Variants in CALN1 observed in about 807,000 individuals in gnomAD.
CALN1 encodes calcium-binding protein 8.
CALN1 carries 17 observed loss-of-function variants against 30.6 expected under a neutral mutation model. The observed-to-expected ratio is 0.56, with a 90% CI of 0.38 to 0.83. CALN1 has a LOEUF of 0.83. CALN1 is among the 40% of genes least tolerant of loss of function. The pLI, the probability that CALN1 is intolerant of heterozygous loss-of-function variation, is 0.00. For synonymous variants in CALN1, 156 were observed against 131.4 expected, an observed-to-expected ratio of 1.19 and a Z score of -1.28; for missense variants, 291 against 354.9, an observed-to-expected ratio of 0.82 and a Z score of 1.45.
chr7:72,213,508 T>A (rs1792558259), intron 3 of CALN1, among the ~76,000 whole-genome samples: 1 of 152,114 alleles, frequency 6.6e-6, no homozygotes, highest in Non-Finnish European at 1.5e-5. Context: ...TCTACTCAAA[T>A]TGGATTTCGG....
intron 4 of CALN1, among the ~76,000 whole-genome samples, chr7:72,048,386 T>C (rs1802616481): frequency 6.6e-6 from 1 of 152,038 alleles, no homozygotes; most frequent in African/African-American, 2.4e-5. Flanking sequence ...TGGGTATGCA[T>C]TATAAGGGCC....
chr7:72,210,317 G>A (rs1213683555), intron 3 of CALN1, among the ~76,000 whole-genome samples: 1 of 152,106 alleles, frequency 6.6e-6, no homozygotes, highest in Non-Finnish European at 1.5e-5. Context: ...GTTGGTGAAT[G>A]TGAAGAATAA....
At chr7:71,847,177 C>G (rs187277366) in intron 5 of CALN1, among the ~76,000 whole-genome samples, 90 of 151,840 alleles carry the variant, frequency 5.9e-4, no homozygotes, top group Admixed American at 4.2e-3. Context: ...GGAGAGGAAG[C>G]CTGAAGGCAG....
At chr7:72,332,034 C>T (rs1801713745) in intron 2 of CALN1, among the ~76,000 whole-genome samples, 1 of 152,208 alleles carries the variant, frequency 6.6e-6, no homozygotes, top group South Asian at 2.1e-4. Context: ...ATGAACTCAT[C>T]ATTTTTTATG....
chr7:71,950,226 T>A (rs553169025), intron 5 of CALN1, among the ~76,000 whole-genome samples: 43 of 152,112 alleles, frequency 2.8e-4, no homozygotes, highest in Non-Finnish European at 5.4e-4. Context: ...TCACAGTTGT[T>A]TTAGCCACAG....
At chr7:72,295,042 G>A (rs1481266481) in intron 2 of CALN1, among the ~76,000 whole-genome samples, 1 of 117,390 alleles carries the variant, frequency 8.5e-6, no homozygotes, top group Non-Finnish European at 2.1e-5. Flanking sequence ...AGACAATAAT[G>A]AAAGTCAATA....
At chr7:71,848,194 G>T (rs1229307047) in intron 5 of CALN1, among the ~76,000 whole-genome samples, 3 of 152,174 alleles carry the variant, frequency 2.0e-5, no homozygotes, top group Non-Finnish European at 4.4e-5. Context: ...GTAAAGAACT[G>T]TTCAGACTGT....
chr7:72,095,548 T>C (rs1340229398), intron 4 of CALN1, among the ~76,000 whole-genome samples: 1 of 152,216 alleles, frequency 6.6e-6, no homozygotes, highest in Non-Finnish European at 1.5e-5. Context: ...TTGTGAATTA[T>C]ATCGTTTGTA....
intron 3 of CALN1, among the ~76,000 whole-genome samples, chr7:72,241,744 A>G (rs1413815630): frequency 6.6e-6 from 1 of 152,146 alleles, no homozygotes; most frequent in Non-Finnish European, 1.5e-5. Flanking sequence ...ATCTGATGCA[A>G]CACACTCATG....
chr7:72,078,259 C>T (rs1230363874), intron 4 of CALN1, among the ~76,000 whole-genome samples: 1 of 152,058 alleles, frequency 6.6e-6, no homozygotes, highest in Admixed American at 6.6e-5. Flanking sequence ...GTTTACTCTG[C>T]AGCTACCCCG....
At chr7:72,186,687 G>A (rs1419686843) in intron 3 of CALN1, among the ~76,000 whole-genome samples, 2 of 152,026 alleles carry the variant, frequency 1.3e-5, no homozygotes, top group Non-Finnish European at 2.9e-5. Flanking sequence ...CTGTTTCTGT[G>A]TTACTTAGGA....
chr7:72,235,837 C>T (rs1794441660), intron 3 of CALN1, among the ~76,000 whole-genome samples: 1 of 151,952 alleles, frequency 6.6e-6, no homozygotes. Context: ...CACCCGGTAC[C>T]CCATCCTTAT....
At chr7:72,303,179 G>T (rs187225032) in intron 2 of CALN1, among the ~76,000 whole-genome samples, 1 of 152,146 alleles carries the variant, frequency 6.6e-6, no homozygotes, top group Admixed American at 6.6e-5. Flanking sequence ...TCCAAGAAAT[G>T]AGAGAAAATG....
chr7:72,248,819 A>G (rs1562793404), intron 3 of CALN1, among the ~76,000 whole-genome samples: 1 of 130,204 alleles, frequency 7.7e-6, no homozygotes, highest in East Asian at 2.0e-4. Context: ...ATTTCGATCT[A>G]GATTTTTTTT....
At chr7:72,220,881 G>A (rs1196037641) in intron 3 of CALN1, among the ~76,000 whole-genome samples, 1 of 152,106 alleles carries the variant, frequency 6.6e-6, no homozygotes, top group African/African-American at 2.4e-5. Context: ...CCCACTTTTT[G>A]ATGGGGTTGT....
At chr7:72,265,354 A>G (rs1427677572) in intron 3 of CALN1, among the ~76,000 whole-genome samples, 2 of 152,182 alleles carry the variant, frequency 1.3e-5, no homozygotes, top group Non-Finnish European at 2.9e-5. Context: ...TGCTGCTAGA[A>G]CATGTTGCTA....
chr7:72,005,801 G>A (rs868716462), intron 5 of CALN1, among the ~76,000 whole-genome samples: 1 of 152,022 alleles, frequency 6.6e-6, no homozygotes, highest in Non-Finnish European at 1.5e-5. Flanking sequence ...AGAGTTAGGG[G>A]TGGGGGTGGG....
intron 3 of CALN1, among the ~76,000 whole-genome samples, chr7:72,135,600 C>T (rs1230272613): frequency 6.6e-6 from 1 of 152,170 alleles, no homozygotes; most frequent in Admixed American, 6.5e-5. Flanking sequence ...ATGCTATAAA[C>T]AGATGTGCTG....
At chr7:72,108,741 C>T (rs969796811) in intron 3 of CALN1, among the ~76,000 whole-genome samples, 1 of 151,664 alleles carries the variant, frequency 6.6e-6, no homozygotes, top group Non-Finnish European at 1.5e-5. Flanking sequence ...CATCTTGTCT[C>T]ACCATGCCGC....
Sources: allele counts gnomAD v4.1 joint callset (sites outside exome capture counted in the v4.1 genomes callset), GRCh38; gene constraint gnomAD v4.1.1; transcripts MANE v1.5; gene names NCBI Gene and HGNC (gene_info 2026-07-23, HGNC 2026-07-21).